Variants in C8orf34 observed in about 807,000 individuals in gnomAD.
C8orf34 encodes the protein uncharacterized protein C8orf34.
In C8orf34, 65 loss-of-function variants were observed where a neutral mutation model predicts 68.3. That is an observed-to-expected ratio of 0.95 (90% confidence interval 0.78 to 1.17). The LOEUF is 1.17. Among genes scored for constraint, C8orf34 ranks in the 50% most tolerant of loss-of-function variants. The pLI is 0.00. For missense variants in C8orf34, 664 were observed against 655.4 expected (o/e 1.01, Z -0.14); for synonymous variants, 244 against 241.2 (o/e 1.01, Z -0.11).
chr8:68,789,802 CTG>C (rs1262115230), intron 12 of C8orf34, among the ~76,000 whole-genome samples: 2 of 152,038 alleles, frequency 1.3e-5, no homozygotes, highest in Middle Eastern at 3.4e-3. Flanking sequence ...CTATGAATAA[CTG>C]TTATAAAAGT....
intron 1 of C8orf34, among the ~76,000 whole-genome samples, chr8:68,423,119 T>C (rs1810054775): frequency 1.3e-5 from 2 of 152,224 alleles, no homozygotes; most frequent in Admixed American, 1.3e-4. Flanking sequence ...GTCTTGGAGA[T>C]TAACATTCAG....
At chr8:68,578,395 G>A (rs1816967515) in intron 7 of C8orf34, among the ~76,000 whole-genome samples, 1 of 151,876 alleles carries the variant, frequency 6.6e-6, no homozygotes, top group Non-Finnish European at 1.5e-5. Context: ...ACTTCTTATT[G>A]ATTGAAACTG....
intron 5 of C8orf34, among the ~76,000 whole-genome samples, chr8:68,498,523 G>C (rs933126324): frequency 5.9e-5 from 9 of 152,146 alleles, no homozygotes; most frequent in African/African-American, 2.2e-4. Context: ...AGGGAGAACA[G>C]CACCACAGTC....
chr8:68,709,114 C>A, intron 9 of C8orf34, 35 bp downstream of exon 9: 4 of 1,465,384 alleles, frequency 2.7e-6, no homozygotes, highest in Admixed American at 1.7e-5. Context: ...TATTGCAGTT[C>A]TAGTGGCACT....
intron 6 of C8orf34, 29 bp downstream of exon 6, chr8:68,522,000 T>C (rs1171622515): frequency 1.9e-6 from 3 of 1,581,096 alleles, no homozygotes; most frequent in Non-Finnish European, 1.7e-6. Flanking sequence ...TGAGATTCTA[T>C]ATTACTAGTC....
At chr8:68,351,389 A>G (rs896654617) in intron 1 of C8orf34, among the ~76,000 whole-genome samples, 3 of 151,952 alleles carry the variant, frequency 2.0e-5, no homozygotes, top group Non-Finnish European at 4.4e-5. Flanking sequence ...TGCCTTTAAC[A>G]TTATTTCTTT....
chr8:68,383,348 C>T (rs991165721), intron 1 of C8orf34, among the ~76,000 whole-genome samples: 1 of 152,178 alleles, frequency 6.6e-6, no homozygotes, highest in Non-Finnish European at 1.5e-5. Context: ...CCCATTTCCC[C>T]ATTTCCTACT....
chr8:68,338,999 G>A (rs1361376770), intron 1 of C8orf34, among the ~76,000 whole-genome samples: 4 of 151,820 alleles, frequency 2.6e-5, no homozygotes, highest in East Asian at 3.9e-4. Context: ...GTGATTATTT[G>A]CCTTCCGTAT....
intron 5 of C8orf34, among the ~76,000 whole-genome samples, chr8:68,508,083 T>G (rs551378651): frequency 3.3e-5 from 5 of 152,326 alleles, no homozygotes; most frequent in African/African-American, 9.6e-5. Context: ...ACTATTTGTC[T>G]GGAAAGACCA....
At chr8:68,424,772 C>T (rs1178856358) in intron 1 of C8orf34, among the ~76,000 whole-genome samples, 4 of 151,880 alleles carry the variant, frequency 2.6e-5, no homozygotes, top group African/African-American at 7.3e-5. Flanking sequence ...TGGTGGTGGG[C>T]GCCTGTAGTC....
intron 1 of C8orf34, among the ~76,000 whole-genome samples, chr8:68,409,041 C>T (rs1809330947): frequency 6.6e-6 from 1 of 151,986 alleles, no homozygotes; most frequent in South Asian, 2.1e-4. Flanking sequence ...CCCGCCTTGG[C>T]CTCCCAAAGT....
chr8:68,680,008 G>A (rs1563604939), intron 8 of C8orf34, among the ~76,000 whole-genome samples: 1 of 152,154 alleles, frequency 6.6e-6, no homozygotes, highest in Non-Finnish European at 1.5e-5. Context: ...CAGGACACTG[G>A]ACTGGGCAAA....
intron 8 of C8orf34, among the ~76,000 whole-genome samples, chr8:68,686,957 A>C (rs1820536981): frequency 6.6e-6 from 1 of 151,848 alleles, no homozygotes; most frequent in South Asian, 2.1e-4. Flanking sequence ...ACACAAGTCA[A>C]TAGCACTCGA....
chr8:68,454,985 T>A (rs138758205), intron 3 of C8orf34, among the ~76,000 whole-genome samples: 1 of 152,204 alleles, frequency 6.6e-6, no homozygotes, highest in Non-Finnish European at 1.5e-5. Flanking sequence ...CTAATTTATC[T>A]TGTGATTTCT....
intron 3 of C8orf34, among the ~76,000 whole-genome samples, chr8:68,459,360 G>A (rs139317755): frequency 7.9e-4 from 121 of 152,228 alleles, no homozygotes; most frequent in African/African-American, 2.6e-3. Flanking sequence ...CTCCCGAGTA[G>A]CTGGGACTAC....
At chr8:68,497,101 C>A (rs1171329423) in intron 5 of C8orf34, among the ~76,000 whole-genome samples, 1 of 151,932 alleles carries the variant, frequency 6.6e-6, no homozygotes, top group African/African-American at 2.4e-5. Flanking sequence ...AAGTGACAAC[C>A]CAAGAAAAAT....
chr8:68,772,856 CTTCCTTCCTTCT>C (rs1161536738), intron 10 of C8orf34, among the ~76,000 whole-genome samples: 1 of 141,594 alleles, frequency 7.1e-6, no homozygotes, highest in South Asian at 2.2e-4. Context: ...TCTTTCTCTC[CTTCCTTCCTTCT>C]TTCCTTCCTT....
At chr8:68,667,365 T>C (rs1819872993) in intron 8 of C8orf34, among the ~76,000 whole-genome samples, 1 of 152,204 alleles carries the variant, frequency 6.6e-6, no homozygotes, top group African/African-American at 2.4e-5. Context: ...AACCCTTAAT[T>C]TAAGTTTTAG....
chr8:68,810,986 A>G (rs1698870715), intron 12 of C8orf34, among the ~76,000 whole-genome samples: 1 of 152,168 alleles, frequency 6.6e-6, no homozygotes, highest in Non-Finnish European at 1.5e-5. Context: ...GCTTAAAGGT[A>G]GAGCTTTACT....
Sources: gnomAD v4.1 joint callset for allele counts (sites outside exome capture counted in the v4.1 genomes callset) on GRCh38, gnomAD v4.1.1 for gene constraint, MANE v1.5 for transcripts, NCBI Gene and HGNC (gene_info 2026-07-23, HGNC 2026-07-21) for gene names.